The following FBN2 variants were observed in gnomAD, a reference collection of about 807,000 sequenced individuals.
The protein encoded by FBN2 is fibrillin 2, also known as fibrillin-2.
A neutral mutation model predicts 355.6 loss-of-function variants in FBN2; 105 were observed. The ratio of observed to expected loss-of-function variants is 0.30; its 90% CI spans 0.25 to 0.35. The LOEUF (loss-of-function observed/expected upper bound fraction) is 0.35, where lower values mean the gene tolerates loss of function less well. Ranked by LOEUF, FBN2 falls within the 10% of genes least tolerant of loss-of-function variation. FBN2 has a pLI of 1.00. For missense variants in FBN2, 3,280 were observed against 3,758.7 expected, an observed-to-expected ratio of 0.87 and a Z score of 3.33; for synonymous variants, 1,350 against 1,301.2, an observed-to-expected ratio of 1.04 and a Z score of -0.81.
chr5:128,436,123 C>T lies in FBN2; in HGVS notation c.952+10358G>A, dbSNP rs928929463. ...TTAACACATGTGTTTTACTAGTGCA[C>T]GCCATTTGTGGGAAGAAACTCAAAT... On this transcript the variant is annotated intron_variant, in intron 7 of 64. Coordinates refer to ENST00000262464, the MANE Select transcript of FBN2 (RefSeq NM_001999.4). Among the ~76,000 whole-genome samples the T allele has an allele frequency of 4.6e-5, 7 of 152,146 alleles. No individual in the cohort carries two copies. The East Asian group carries it at 7.7e-4, about 17-fold the overall frequency.
intron 8 of FBN2, among the ~76,000 whole-genome samples, chr5:128,405,690 C>T (rs571905594): frequency 1.5e-3 from 232 of 152,246 alleles, no homozygotes; most frequent in African/African-American, 5.4e-3. Context: ...AACGCTGAAA[C>T]TTGTTTTGGC....
chr5:128,445,153 G>C (rs1256558435), intron 7 of FBN2, among the ~76,000 whole-genome samples: 1 of 152,158 alleles, frequency 6.6e-6, no homozygotes, highest in Non-Finnish European at 1.5e-5. Flanking sequence ...ACTATCGACA[G>C]TGTATTTAAG....
chr5:128,513,270 A>C (rs1023021144), intron 5 of FBN2, among the ~76,000 whole-genome samples: 1 of 152,234 alleles, frequency 6.6e-6, no homozygotes, highest in African/African-American at 2.4e-5. Flanking sequence ...AACTTCCCCC[A>C]TATACATGCA....
At chr5:128,433,004 A>G (rs1229107821) in intron 7 of FBN2, among the ~76,000 whole-genome samples, 1 of 152,168 alleles carries the variant, frequency 6.6e-6, no homozygotes, top group African/African-American at 2.4e-5. Context: ...CTCACTCACT[A>G]TCATGAGAAC....
intron 7 of FBN2, among the ~76,000 whole-genome samples, chr5:128,417,164 T>C (rs1024690324): frequency 6.6e-6 from 1 of 152,190 alleles, no homozygotes; most frequent in Non-Finnish European, 1.5e-5. Flanking sequence ...ACTTCATTAT[T>C]GGTATATAGA....
chr5:128,280,245 C>T lies in FBN2; in HGVS notation c.7085G>A (p.Arg2362Lys), dbSNP rs771718967. 2.0e-5 allele frequency: 32 copies of T among 1,611,480 alleles called. No homozygotes were observed. Among genetic ancestry groups the T allele is most frequent in the Non-Finnish European group, 2.3e-5 (27 of 1,177,938 alleles). ...GRCVNIIGSY[R>K]CECNEGFQSS... is the part of the protein sequence containing the mutation. ...CTGGAATCCTTCATTACACTCACAT[C>T]TATAGCTTCCAATAATGTTAACACA... Residue 2362 changes from arginine to lysine, a missense_variant, in exon 56 of 65, where the codon AGA becomes AAA. Arg to Lys is a conservative substitution (Grantham distance 26, BLOSUM62 2). Transcript: ENST00000262464.
intron 11 of FBN2, among the ~76,000 whole-genome samples, chr5:128,391,733 A>T (rs1191573909): frequency 6.6e-6 from 1 of 152,072 alleles, no homozygotes; most frequent in Non-Finnish European, 1.5e-5. Context: ...ATTCCTTTTT[A>T]TTTTTAGTTT....
At chr5:128,291,061 T>C (rs1190563852) in intron 49 of FBN2, among the ~76,000 whole-genome samples, 177 bp from the exon 50 acceptor site, 1 of 152,230 alleles carries the variant, frequency 6.6e-6, no homozygotes, top group African/African-American at 2.4e-5. Context: ...AATTATTTAA[T>C]TATTTAATAT....
In FBN2 at chr5:128,423,214, T is replaced by TATTCC. The variant is rs1253279034; in HGVS notation, c.953-14416_953-14415insGGAAT. ...ATCAAATGGAATATTCTTCTCCAGG[T>TATTCC]AGAAGGAAGAGCATTCACAAAGGCC... On this transcript the variant is annotated intron_variant, in intron 7 of 64. Coordinates refer to ENST00000262464, the MANE Select transcript of FBN2 (RefSeq NM_001999.4). Among the ~76,000 whole-genome samples, 205 of 152,214 alleles carry TATTCC rather than the reference T, an allele frequency of 1.3e-3. 2 individuals are homozygous for TATTCC. The highest frequency in any genetic ancestry group is 2.9e-4 in the Non-Finnish European group (20 of 68,000).
chr5:128,320,103 G>C (rs2126875174), intron 34 of FBN2, among the ~76,000 whole-genome samples: 1 of 152,182 alleles, frequency 6.6e-6, no homozygotes, highest in Non-Finnish European at 1.5e-5. Flanking sequence ...ATTGTGTTGG[G>C]GGTAAGAAAG....
At chr5:128,417,107 T>G (rs560589408) in intron 7 of FBN2, among the ~76,000 whole-genome samples, 1 of 152,324 alleles carries the variant, frequency 6.6e-6, no homozygotes, top group African/African-American at 2.4e-5. Flanking sequence ...ATTATTGTTT[T>G]TGCAGCGATG....
intron 20 of FBN2, among the ~76,000 whole-genome samples, chr5:128,351,368 G>A (rs1751359467): frequency 6.6e-6 from 1 of 152,118 alleles, no homozygotes; most frequent in African/African-American, 2.4e-5. Context: ...TCAACATGGT[G>A]AAACCCCGTC....
At chr5:128,339,330 C>T (rs1750935449) in intron 25 of FBN2, 2 of 402,858 alleles carry the variant, frequency 5.0e-6, no homozygotes, top group Non-Finnish European at 9.4e-6. Flanking sequence ...GAAATCGTAA[C>T]AGAAAAGGGG....
intron 5 of FBN2, among the ~76,000 whole-genome samples, chr5:128,481,579 C>T (rs2127110417): frequency 6.6e-6 from 1 of 152,310 alleles, no homozygotes; most frequent in African/African-American, 2.4e-5. Context: ...ACTCCGCTAA[C>T]ATTCCAGATA....
chr5:128,336,177 T>A, intron 27 of FBN2, 64 bp from the exon 28 acceptor site: 1 of 1,547,390 alleles, frequency 6.5e-7, no homozygotes. Flanking sequence ...ATCAGAAAGG[T>A]GCTTCACCAG....
chr5:128,305,758 C>T (rs1425565884), intron 43 of FBN2, 65 bp downstream of exon 43: 124 of 1,602,264 alleles, frequency 7.7e-5, no homozygotes, highest in Non-Finnish European at 9.1e-5. Flanking sequence ...AAATCAGAAA[C>T]CATCTAAATG....
chr5:128,419,136 T>C (rs1330188383), intron 7 of FBN2, among the ~76,000 whole-genome samples: 2 of 152,236 alleles, frequency 1.3e-5, no homozygotes, highest in African/African-American at 2.4e-5. Flanking sequence ...CTTGTACAAT[T>C]GCAACTTTGC....
In FBN2 at chr5:128,464,870, C is replaced by T. The variant is rs760247833; in HGVS notation, c.680G>A (p.Gly227Glu). 9 of 1,614,230 alleles carry T rather than the reference C, an allele frequency of 5.6e-6. No individual in the cohort carries two copies. In the East Asian group the frequency reaches 1.1e-4, roughly 20 times the overall value. Residue 227 changes from glycine (G) to glutamate (E), a missense_variant, in exon 6 of 65, where the codon GGG (glycine) becomes GAG (glutamate). Around this residue, in one of 6 missense-constraint regions of FBN2, gnomAD observed 130 missense variants for 189.9 expected, o/e 0.68. Coordinates refer to ENST00000262464, the MANE Select transcript of FBN2 (RefSeq NM_001999.4). ...CGTGCAGACAATGCCTGTCAGCTGC[C>T]CTTGGCACATCTGGTTGTTGACCTG... ...FTQVNNQMCQ[G>E]QLTGIVCTKT...
chr5:128,365,742 AT>A (rs1350212792), intron 17 of FBN2, among the ~76,000 whole-genome samples: 2 of 150,772 alleles, frequency 1.3e-5, no homozygotes, highest in African/African-American at 4.9e-5. Context: ...CCCAAGTTTT[AT>A]TTATGTATAA....
Sources: gnomAD v4.1 joint callset for allele counts (sites outside exome capture counted in the v4.1 genomes callset) on GRCh38, gnomAD v4.1.1 for gene constraint, gnomAD v4.1.1 regional missense constraint, MANE v1.5 for transcripts, NCBI Gene and HGNC (gene_info 2026-07-23, HGNC 2026-07-21) for gene names.